REPS2: variants seen among roughly 807,000 people sequenced by gnomAD.
REPS2 encodes ralBP1-associated Eps domain-containing protein 2.
In REPS2, 23 loss-of-function variants were observed where a neutral mutation model predicts 53.6. That is an observed-to-expected ratio of 0.43 (90% CI 0.31 to 0.61). The LOEUF is 0.61. Among genes scored for constraint, REPS2 ranks in the 20% least tolerant of loss-of-function variants. REPS2 has a pLI of 0.11. For synonymous variants in REPS2, 238 were observed against 218.6 expected (o/e 1.09, Z -0.78); for missense variants, 446 against 534.9 (o/e 0.83, Z 1.64).
intron 14 of REPS2, among the ~76,000 whole-genome samples, chrX:17,117,774 C>A (rs1167752219): frequency 2.7e-5 from 3 of 109,574 alleles, no homozygotes; most frequent in Non-Finnish European, 5.7e-5. Flanking sequence ...ATTTATAATC[C>A]TCTGGGTATA....
At chrX:17,192,671 C>T in the REPS2 span, among the ~76,000 whole-genome samples, 2 of 111,752 alleles carry the variant, frequency 1.8e-5, no homozygotes, top group African/African-American at 6.5e-5. Flanking sequence ...GTGTACAAAC[C>T]CTAAGTGGTT....
intron 13 of REPS2, among the ~76,000 whole-genome samples, chrX:17,080,220 T>G (rs1274628748): frequency 9.1e-6 from 1 of 110,270 alleles, no homozygotes; most frequent in Non-Finnish European, 1.9e-5. Flanking sequence ...TCTCTCTGCC[T>G]TTTCTCTTCC....
intron 1 of REPS2, among the ~76,000 whole-genome samples, chrX:16,986,837 G>T (rs772673075): frequency 9.1e-6 from 1 of 110,425 alleles, no homozygotes; most frequent in Non-Finnish European, 1.9e-5. Flanking sequence ...TAGGGGGAGC[G>T]GGGGATGGTT....
the REPS2 span, among the ~76,000 whole-genome samples, chrX:17,170,236 C>T: frequency 8.9e-6 from 1 of 111,980 alleles, no homozygotes; most frequent in African/African-American, 3.3e-5. Context: ...GGCAAAATGG[C>T]TCCTCCAGCG....
chrX:17,132,011 C>T (rs1168762745), intron 14 of REPS2, among the ~76,000 whole-genome samples: 1 of 107,935 alleles, frequency 9.3e-6, no homozygotes, highest in Non-Finnish European at 1.9e-5. Flanking sequence ...TAACAGTATA[C>T]AACTTTCAGA....
At chrX:16,963,352 A>G (rs937241287) in intron 1 of REPS2, among the ~76,000 whole-genome samples, 1 of 112,210 alleles carries the variant, frequency 8.9e-6, no homozygotes, top group Admixed American at 9.4e-5. Context: ...ATGGGTTAAC[A>G]TATCTTCTGG....
At chrX:16,949,754 A>C (rs918175850) in intron 1 of REPS2, among the ~76,000 whole-genome samples, 15 of 110,592 alleles carry the variant, frequency 1.4e-4, no homozygotes, top group Non-Finnish European at 2.6e-4. Context: ...GAGCAGTTTT[A>C]GGTTCACAGC....
intron 1 of REPS2, among the ~76,000 whole-genome samples, chrX:16,961,263 T>C: frequency 9.0e-6 from 1 of 111,691 alleles, no homozygotes; most frequent in South Asian, 3.7e-4. Context: ...TATAGATCAA[T>C]AGAATAGAAC....
chrX:17,073,107 G>A (rs1196015556), intron 11 of REPS2, among the ~76,000 whole-genome samples: 1 of 111,826 alleles, frequency 8.9e-6, no homozygotes, highest in East Asian at 2.8e-4. Flanking sequence ...CTAACCCAAG[G>A]ATTTTAATGA....
At chrX:17,056,551 C>T (rs1003618717) in intron 8 of REPS2, among the ~76,000 whole-genome samples, 2 of 110,677 alleles carry the variant, frequency 1.8e-5, no homozygotes. Context: ...AAAAATTAGC[C>T]GGGTGTGGTG....
intron 1 of REPS2, among the ~76,000 whole-genome samples, chrX:16,976,224 CAG>C (rs1413632332): frequency 8.9e-6 from 1 of 111,872 alleles, no homozygotes; most frequent in Admixed American, 9.5e-5. Flanking sequence ...TATATACTAA[CAG>C]GGAAATTTCT....
chrX:16,989,749 A>G (rs189160369), intron 1 of REPS2, among the ~76,000 whole-genome samples: 191 of 112,475 alleles, frequency 1.7e-3, no homozygotes, highest in Admixed American at 2.5e-3. Context: ...CTACATACCT[A>G]TAAGAATGGC....
At chrX:17,140,737 ATT>A (rs2063432527) in intron 17 of REPS2, among the ~76,000 whole-genome samples, 1 of 12,430 alleles carries the variant, frequency 8.0e-5, no homozygotes, top group Non-Finnish European at 1.5e-4. Flanking sequence ...ATGCACAAAT[ATT>A]ATTATTATTA....
chrX:16,965,917 G>A (rs1025056584), intron 1 of REPS2, among the ~76,000 whole-genome samples: 5 of 112,599 alleles, frequency 4.4e-5, no homozygotes, highest in African/African-American at 3.2e-5. Flanking sequence ...AGACCAACCC[G>A]GCCAACACAG....
chrX:17,096,931 A>C (rs1391462058), intron 13 of REPS2, among the ~76,000 whole-genome samples: 1 of 111,586 alleles, frequency 9.0e-6, no homozygotes, highest in African/African-American at 3.3e-5. Flanking sequence ...AAATGGTAGA[A>C]ATACAACATT....
At chrX:17,117,616 A>G (rs2063073745) in intron 14 of REPS2, among the ~76,000 whole-genome samples, 2 of 110,681 alleles carry the variant, frequency 1.8e-5, no homozygotes, top group Non-Finnish European at 3.8e-5. Context: ...ATCATTTTTT[A>G]TGGCTGCATA....
At chrX:16,990,835 A>G (rs1169353935) in intron 1 of REPS2, among the ~76,000 whole-genome samples, 2 of 111,068 alleles carry the variant, frequency 1.8e-5, no homozygotes, top group African/African-American at 6.6e-5. Flanking sequence ...ATAAAACTAC[A>G]GTTGTCTCAA....
chrX:17,164,458 A>G, the REPS2 span, among the ~76,000 whole-genome samples: 1 of 112,454 alleles, frequency 8.9e-6, no homozygotes, highest in Non-Finnish European at 1.9e-5. Context: ...TATCAGACAA[A>G]ATAAACTTTA....
At chrX:17,073,456 C>T (rs1051024015) in intron 11 of REPS2, among the ~76,000 whole-genome samples, 4 of 111,763 alleles carry the variant, frequency 3.6e-5, no homozygotes, top group African/African-American at 1.3e-4. Flanking sequence ...GCTGTATGGG[C>T]GTTGGTAGTG....
Sources: allele counts gnomAD v4.1 joint callset (sites outside exome capture counted in the v4.1 genomes callset), GRCh38; gene constraint gnomAD v4.1.1; transcripts MANE v1.5; gene names NCBI Gene and HGNC (gene_info 2026-07-23, HGNC 2026-07-21).